MLXIPL: variants seen among roughly 807,000 people sequenced by gnomAD.
MLXIPL encodes MLX interacting protein like.
A neutral mutation model predicts 81.5 loss-of-function variants in MLXIPL; 49 were observed. The ratio of observed to expected loss-of-function variants is 0.60; its 90% CI spans 0.48 to 0.76. The LOEUF (loss-of-function observed/expected upper bound fraction) is 0.76, where lower values mean the gene tolerates loss of function less well. MLXIPL is among the 30% of genes least tolerant of loss of function. The probability of loss-of-function intolerance (pLI) is 0.00; values close to 1 mark genes in which losing one functional copy is unlikely to be tolerated. For missense variants in MLXIPL, 1,053 were observed against 1,167.0 expected (o/e 0.90, Z 1.42); for synonymous variants, 466 against 485.5 (o/e 0.96, Z 0.53).
rs369667511 is a variant in MLXIPL at position 73,623,576 on chromosome 7, TGGACATTTCTG to T, written c.293+613_293+623del. On this transcript the variant is annotated intron_variant, in intron 1 of 16. Coordinates refer to ENST00000313375, the MANE Select transcript of MLXIPL (RefSeq NM_032951.3). This position sits in a 1 kb window ranked among gnomAD's most constrained non-coding sequence, Gnocchi z 5.7. Reference sequence around the variant, plus strand: ...CGTAACCTCTGCGAGCTGCGCCTCTTGGACATTTCTGGGACATCCTCCTCCCGCCACCCTTA... The same window carrying T: ...CGTAACCTCTGCGAGCTGCGCCTCTTGGACATCCTCCTCCCGCCACCCTTA... Among the ~76,000 whole-genome samples the T allele has an allele frequency of 5.9e-5, 9 of 152,216 alleles. No individual in the cohort carries two copies. The highest frequency in any genetic ancestry group is 2.2e-4 in the African/African-American group (9 of 41,544).
chr7:73,632,743 T>TTTAC, the MLXIPL span, among the ~76,000 whole-genome samples: 1 of 133,846 alleles, frequency 7.5e-6, no homozygotes, highest in Admixed American at 7.8e-5. Flanking sequence ...TCCTTCCTTC[T>TTTAC]TTCCTTCCTT....
At position 73,624,450 on chromosome 7, in the gene MLXIPL, GGACCTGCAAGCCCGCGGCCA is replaced by G; in HGVS notation, c.23_42del (p.Leu8ProfsTer139). ...GAGTCTGGGCTGGGCGCGACCCGCG[GGACCTGCAAGCCCGCGGCCA>G]GACCTGCCAGCGCGCCGGCCATGGC... is the stretch of plus-strand genomic sequence containing the variant. On this transcript the variant is annotated frameshift_variant, in exon 1 of 17. Transcript: ENST00000313375. LOFTEE classifies it high-confidence loss of function. The G allele has an allele frequency of 6.4e-7, 1 of 1,552,978 alleles. No individual in the cohort carries two copies. Among genetic ancestry groups the G allele is most frequent in the Non-Finnish European group, 8.6e-7 (1 of 1,157,310 alleles).
At chr7:73,613,663 G>A (rs1795836628) in intron 2 of MLXIPL, among the ~76,000 whole-genome samples, 3 of 152,146 alleles carry the variant, frequency 2.0e-5, no homozygotes, top group South Asian at 2.1e-4. Context: ...AGCAAGCTTC[G>A]ACTCCGGGAG....
intron 2 of MLXIPL, among the ~76,000 whole-genome samples, chr7:73,608,361 G>A (rs1184892597): frequency 1.3e-5 from 2 of 152,022 alleles, no homozygotes; most frequent in African/African-American, 4.8e-5. Flanking sequence ...AGGCCTAGGT[G>A]GGTGAATAAC....
chr7:73,641,970 T>G, the MLXIPL span, among the ~76,000 whole-genome samples: 1 of 152,054 alleles, frequency 6.6e-6, no homozygotes, highest in African/African-American at 2.4e-5. Flanking sequence ...AGCATCCGAT[T>G]TCACAAGTTA....
upstream of MLXIPL, among the ~76,000 whole-genome samples, chr7:73,629,004 C>G (rs1796795107): frequency 6.6e-6 from 1 of 152,084 alleles, no homozygotes; most frequent in South Asian, 2.1e-4. Context: ...CCCAAGTTCT[C>G]CAGGTTATTT....
chr7:73,633,049 G>A, the MLXIPL span, among the ~76,000 whole-genome samples: 7 of 147,876 alleles, frequency 4.7e-5, no homozygotes, highest in South Asian at 6.4e-4. Flanking sequence ...CCAAAGCGCC[G>A]GGACTATAGG....
chr7:73,594,202 T>C (rs781792771), intron 16 of MLXIPL, 72 bp downstream of exon 16: 3 of 1,599,944 alleles, frequency 1.9e-6, no homozygotes, highest in Non-Finnish European at 2.6e-6. Context: ...ATGTGGGATC[T>C]AAGCAGGGTG....
chr7:73,630,358 T>A, the MLXIPL span, among the ~76,000 whole-genome samples: 2 of 139,460 alleles, frequency 1.4e-5, no homozygotes, highest in Non-Finnish European at 3.0e-5. Context: ...AGTGGCATGA[T>A]CTTGGGTCAT....
At position 73,624,291 on chromosome 7, in the gene MLXIPL, G is replaced by C. The variant is rs1554603036; in HGVS notation, c.202C>G (p.Gln68Glu). 3 of 1,586,876 alleles carry C rather than the reference G, an allele frequency of 1.9e-6. No homozygotes were observed. The highest frequency in any genetic ancestry group is 2.6e-6 in the Non-Finnish European group (3 of 1,168,368). Residue 68 changes from glutamine to glutamate, a missense_variant, in exon 1 of 17, where the codon CAG becomes GAG. By Grantham distance (29) the Gln-to-Glu change is conservative (BLOSUM62 2). Coordinates refer to ENST00000313375, the MANE Select transcript of MLXIPL (RefSeq NM_032951.3). Reference protein sequence around the residue: ...HSDSLPRRRDQEGSVGPSDFG... With the variant: ...HSDSLPRRRDEEGSVGPSDFG... ...TCGGAGGGCCCCACGGACCCCTCCT[G>C]GTCGCGCCGCCGGGGCAGCGAGTCG...
the MLXIPL span, among the ~76,000 whole-genome samples, chr7:73,639,206 G>T: frequency 6.6e-6 from 1 of 152,180 alleles, no homozygotes. Context: ...AAACAGAAAT[G>T]CCAGGAGGGG....
At chr7:73,620,583 A>G (rs1796283311) in intron 1 of MLXIPL, among the ~76,000 whole-genome samples, 1 of 147,038 alleles carries the variant, frequency 6.8e-6, no homozygotes, top group South Asian at 2.2e-4. Context: ...TACTGAAAAA[A>G]AAAAAAAAAA....
chr7:73,634,245 A>C, the MLXIPL span, among the ~76,000 whole-genome samples: 2 of 152,092 alleles, frequency 1.3e-5, no homozygotes, highest in African/African-American at 4.8e-5. Flanking sequence ...AAAAATTACG[A>C]GTTTGCCAGG....
In MLXIPL at chr7:73,607,427, T is replaced by A; in HGVS notation, c.484-7A>T. On this transcript the variant is annotated splice_region_variant and splice_polypyrimidine_tract_variant and intron_variant, in intron 3 of 16. Transcript: ENST00000313375. ...TCCCCTCCAGGACCACGGCCTGGGG[T>A]AGGGGCCGGGGGAGGGGGATCAGTA... is the stretch of plus-strand genomic sequence containing the variant. 1 of 1,552,874 alleles carries A rather than the reference T, an allele frequency of 6.4e-7. No homozygotes were observed. The highest frequency in any genetic ancestry group is 8.7e-7 in the Non-Finnish European group (1 of 1,147,360).
At position 73,616,187 on chromosome 7, in the gene MLXIPL, G is replaced by A. The variant is rs972370538; in HGVS notation, c.294-10C>T. ...AGACACCAGCTTGCCACTGTCAAAG[G>A]GGAGAGGAGTAGGGTTAGGGAGATG... is the stretch of plus-strand genomic sequence containing the variant. On this transcript the variant is annotated splice_polypyrimidine_tract_variant and intron_variant, in intron 1 of 16. Transcript: ENST00000313375. 9 of 1,606,170 alleles carry A rather than the reference G, an allele frequency of 5.6e-6. No individual in the cohort carries two copies. The highest frequency in any genetic ancestry group is 6.8e-6 in the Non-Finnish European group (8 of 1,172,946).
intron 2 of MLXIPL, among the ~76,000 whole-genome samples, chr7:73,615,839 G>A (rs1161438462): frequency 6.6e-6 from 1 of 151,636 alleles, no homozygotes; most frequent in Non-Finnish European, 1.5e-5. Flanking sequence ...CTTGAACCTG[G>A]GAGGCGGAAG....
chr7:73,629,864 G>A, the MLXIPL span, among the ~76,000 whole-genome samples: 1 of 152,150 alleles, frequency 6.6e-6, no homozygotes, highest in Non-Finnish European at 1.5e-5. Flanking sequence ...AAATGATCTG[G>A]CGGATTGTGG....
intron 3 of MLXIPL, 29 bp from the exon 4 acceptor site, chr7:73,607,449 A>G (rs1554598639): frequency 1.3e-6 from 2 of 1,538,294 alleles, no homozygotes; most frequent in Non-Finnish European, 1.8e-6. Flanking sequence ...GAGGGGGATC[A>G]GTAGAGAGGG....
chr7:73,627,774 G>A (rs1796775690), upstream of MLXIPL, among the ~76,000 whole-genome samples: 2 of 151,886 alleles, frequency 1.3e-5, no homozygotes, highest in East Asian at 2.0e-4. Flanking sequence ...TGCTGTGGAG[G>A]AGGTTGGATA....
Sources: gnomAD v4.1 joint callset for allele counts (sites outside exome capture counted in the v4.1 genomes callset) on GRCh38, gnomAD v4.1.1 for gene constraint, Gnocchi (gnomAD v3.1) non-coding constraint, MANE v1.5 for transcripts, NCBI Gene and HGNC (gene_info 2026-07-23, HGNC 2026-07-21) for gene names.